Variants in ZNF85 observed in about 807,000 individuals in gnomAD.
The protein encoded by ZNF85 is zinc finger protein 85 (HPF4, HTF1).
In ZNF85, 50 loss-of-function variants were observed where a neutral mutation model predicts 53.9. That is an observed-to-expected ratio of 0.93 (90% CI 0.74 to 1.17). The LOEUF is 1.17. ZNF85 is among the 50% of genes most tolerant of loss of function. ZNF85 has a pLI of 0.00. For missense variants in ZNF85, 747 were observed against 688.5 expected, an observed-to-expected ratio of 1.08 and a Z score of -0.95; for synonymous variants, 225 against 226.1, an observed-to-expected ratio of 1.00 and a Z score of 0.04.
rs139348029 is a variant in ZNF85 at position 20,949,124 on chromosome 19, T to C, written c.610T>C (p.Cys204Arg). 3.1e-4 allele frequency: 498 copies of C among 1,613,610 alleles called. 5 individuals are homozygous for C. The African/African-American group carries it at 6.0e-3, about 19-fold the overall frequency. Reference protein sequence around the residue: ...RIHTRVNFYKCEECGKAFNWS... With the variant: ...RIHTRVNFYKREECGKAFNWS... ...TCATACTAGAGTAAATTTCTACAAA[T>C]GTGAAGAATGTGGAAAAGCCTTTAA... Residue 204 changes from cysteine to arginine, a missense_variant, in exon 4 of 4, where the codon TGT becomes CGT. Physicochemically the swap from Cys to Arg is radical, Grantham distance 180. Coordinates refer to ENST00000328178, the MANE Select transcript of ZNF85 (RefSeq NM_003429.5).
chr19:20,927,892 A>T (rs1972918003), intron 1 of ZNF85: 1 of 152,176 alleles, frequency 6.6e-6, no homozygotes, highest in Admixed American at 6.5e-5. Context: ...GGGGGAAAAA[A>T]AGTGTTTCTT....
intron 1 of ZNF85, among the ~76,000 whole-genome samples, chr19:20,929,009 T>C (rs752733244): frequency 6.6e-6 from 1 of 152,160 alleles, no homozygotes. Context: ...CCAATATTTA[T>C]TCAAATTCTC....
intron 1 of ZNF85, among the ~76,000 whole-genome samples, chr19:20,924,085 C>CAA (rs35334102): frequency 7.3e-5 from 7 of 96,440 alleles, no homozygotes; most frequent in Admixed American, 3.3e-4. Flanking sequence ...AACTCCGTCT[C>CAA]AAAAAAAAAA....
Position 20,950,235 on chromosome 19 carries a change from C to T in ZNF85, c.1721C>T (p.Ala574Val). Residue 574 changes from alanine (A) to valine (V), a missense_variant, in exon 4 of 4, where the codon GCT becomes GTT. By Grantham distance (64) the Ala-to-Val change is moderately conservative. Coordinates refer to ENST00000328178, the MANE Select transcript of ZNF85 (RefSeq NM_003429.5). ...KPYKCEECDKAFKWSSVLTKH... is the reference protein window; with the variant it reads ...KPYKCEECDKVFKWSSVLTKH... ...TACAAATGTGAAGAATGTGACAAAGCTTTTAAATGGTCCTCAGTCCTTACT... is the reference window on the plus strand; with the variant it reads ...TACAAATGTGAAGAATGTGACAAAGTTTTTAAATGGTCCTCAGTCCTTACT... 1 of 1,606,142 alleles carries T rather than the reference C, an allele frequency of 6.2e-7. No homozygotes were observed. Among genetic ancestry groups the T allele is most frequent in the Non-Finnish European group, 8.5e-7 (1 of 1,177,202 alleles).
rs1973488396 is a variant in ZNF85 at position 20,948,903 on chromosome 19, G to T, written c.389G>T (p.Gly130Val). The T allele has an allele frequency of 6.2e-7, 1 of 1,613,538 alleles. No homozygotes were observed. The highest frequency in any genetic ancestry group is 1.1e-5 in the South Asian group (1 of 90,994). ...SMDECKMHKGGCNGLNQCLTA... is the reference protein window; with the variant it reads ...SMDECKMHKGVCNGLNQCLTA... ...GATGAGTGTAAGATGCACAAAGGAG[G>T]TTGTAATGGACTTAACCAATGTCTC... is the stretch of plus-strand genomic sequence containing the variant. The change falls in exon 4 of 4, where the codon GGT (glycine) becomes GTT (valine). Residue 130 changes from glycine (G) to valine (V), a missense_variant. Physicochemically the swap from Gly to Val is moderately radical, Grantham distance 109 (BLOSUM62 -3). Transcript: ENST00000328178.
chr19:20,945,225 T>C (rs1568554249), intron 3 of ZNF85, among the ~76,000 whole-genome samples: 1 of 152,172 alleles, frequency 6.6e-6, no homozygotes, highest in Non-Finnish European at 1.5e-5. Flanking sequence ...TTGCAACATA[T>C]CACCAAAATG....
intron 1 of ZNF85, among the ~76,000 whole-genome samples, chr19:20,926,511 C>T (rs1972883208): frequency 1.3e-5 from 2 of 151,530 alleles, no homozygotes; most frequent in Admixed American, 1.3e-4. Context: ...TTTCAAAAAC[C>T]AAGGGAATAA....
chr19:20,923,386 C>T lies in ZNF85; in HGVS notation c.-15C>T. The T allele has an allele frequency of 6.2e-7, 1 of 1,614,148 alleles. No individual in the cohort carries two copies. The highest frequency in any genetic ancestry group is 1.6e-4 in the Middle Eastern group (1 of 6,062). ...ATCCACAGCTAAGACGCCGGGACCC[C>T]CTGGAAGCCTAGAAATGGTGAGAGT... is the stretch of plus-strand genomic sequence containing the variant. On this transcript the variant is annotated 5_prime_UTR_variant, in exon 1 of 4. Coordinates refer to ENST00000328178, the MANE Select transcript of ZNF85 (RefSeq NM_003429.5).
intron 1 of ZNF85, among the ~76,000 whole-genome samples, chr19:20,929,215 G>A (rs1369522850): frequency 1.4e-5 from 2 of 145,092 alleles, no homozygotes; most frequent in South Asian, 2.2e-4. Flanking sequence ...TTGAGACACC[G>A]TCTTGCTCTG....
At chr19:20,935,169 G>A in intron 3 of ZNF85, 122 bp downstream of exon 3, 1 of 589,980 alleles carries the variant, frequency 1.7e-6, no homozygotes, top group Non-Finnish European at 2.9e-6. Flanking sequence ...TTTCTCAGAA[G>A]CCTGAGGTTT....
chr19:20,950,433 T>C lies in ZNF85; in HGVS notation c.*131T>C, dbSNP rs557910794. 3.2e-6 allele frequency: 2 copies of C among 627,544 alleles called. No individual in the cohort carries two copies. The highest frequency in any genetic ancestry group is 1.9e-5 in the African/African-American group (1 of 53,470). The allele number at this position is 627,544 out of a possible 1,614,324, so 38.9% of individuals were successfully genotyped here. On this transcript the variant is annotated 3_prime_UTR_variant, in exon 4 of 4. Coordinates refer to ENST00000328178, the MANE Select transcript of ZNF85 (RefSeq NM_003429.5). ...CACCTCAGACTTATAAAAGTAATCA[T>C]ACTGGTGAGAAATTCTAAAAATGTG...
At chr19:20,945,184 A>G (rs983276652) in intron 3 of ZNF85, among the ~76,000 whole-genome samples, 3 of 152,114 alleles carry the variant, frequency 2.0e-5, no homozygotes, top group African/African-American at 7.2e-5. Flanking sequence ...TAAATATTCA[A>G]TTTAGTGATC....
In ZNF85 at chr19:20,949,199, C is replaced by A; in HGVS notation, c.685C>A (p.Pro229Thr). The change falls in exon 4 of 4, where the codon CCT becomes ACT. Residue 229 changes from proline to threonine, a missense_variant. Coordinates refer to ENST00000328178, the MANE Select transcript of ZNF85 (RefSeq NM_003429.5). ...TAAGAGAATTCATACGGGAGAGAAACCTTACAAATGTGAAGAATGTGGTAA... is the reference window on the plus strand; with the variant it reads ...TAAGAGAATTCATACGGGAGAGAAAACTTACAAATGTGAAGAATGTGGTAA... ...KHKRIHTGEK[P>T]YKCEECGKAF... The A allele has an allele frequency of 1.2e-6, 2 of 1,613,306 alleles. No individual in the cohort carries two copies. Among genetic ancestry groups the A allele is most frequent in the South Asian group, 1.1e-5 (1 of 91,030 alleles).
chr19:20,950,102 A>C lies in ZNF85; in HGVS notation c.1588A>C (p.Lys530Gln). 1 of 1,613,422 alleles carries C rather than the reference A, an allele frequency of 6.2e-7. No individual in the cohort carries two copies. Among genetic ancestry groups the C allele is most frequent in the South Asian group, 1.1e-5 (1 of 91,064 alleles). The change falls in exon 4 of 4, where the codon AAA becomes CAA. Residue 530 changes from lysine (K) to glutamine (Q), a missense_variant. Coordinates refer to ENST00000328178, the MANE Select transcript of ZNF85 (RefSeq NM_003429.5). The stretch of plus-strand genomic sequence containing the variant: ...ATCCTCAAAACTTACCAAACATAAG[A>C]AAATTCATACTGGAGAGAAACCCTA... ...NQSSKLTKHK[K>Q]IHTGEKPYTC...
At chr19:20,926,811 C>G (rs1401974667) in intron 1 of ZNF85, 1 of 151,630 alleles carries the variant, frequency 6.6e-6, no homozygotes, top group Non-Finnish European at 1.5e-5. Context: ...GAGGCACTGT[C>G]TAGACTTTGT....
chr19:20,929,855 T>C (rs1972967211), intron 1 of ZNF85, among the ~76,000 whole-genome samples: 1 of 152,156 alleles, frequency 6.6e-6, no homozygotes, highest in South Asian at 2.1e-4. Context: ...GCGTGGTGGC[T>C]TACGCCTATA....
At chr19:20,943,070 C>A (rs1371752292) in intron 3 of ZNF85, 4 of 420,814 alleles carry the variant, frequency 9.5e-6, no homozygotes, top group Non-Finnish European at 1.7e-5. Flanking sequence ...GCCTGTTCAC[C>A]CAGCCAGTAT....
At position 20,934,129 on chromosome 19, in the gene ZNF85, T is replaced by G; in HGVS notation, c.109T>G (p.Tyr37Asp). The G allele has an allele frequency of 6.2e-7, 1 of 1,612,370 alleles. No homozygotes were observed. The highest frequency in any genetic ancestry group is 8.5e-7 in the Non-Finnish European group (1 of 1,179,060). The change falls in exon 2 of 4, where the codon TAC becomes GAC. Residue 37 changes from tyrosine to aspartate, a missense_variant. Physicochemically the swap from Tyr to Asp is radical, Grantham distance 160 (BLOSUM62 -3). Transcript: ENST00000328178. The stretch of plus-strand genomic sequence containing the variant: ...ATATAGAAATGTGATGTTAGAGAAC[T>G]ACAGAAACCTGGTCTTCCTGGGTGA... The part of the protein sequence containing the change: ...NLYRNVMLEN[Y>D]RNLVFLGITV...
intron 2 of ZNF85, 68 bp downstream of exon 2, chr19:20,934,218 G>T (rs917781960): frequency 2.8e-5 from 43 of 1,554,694 alleles, no homozygotes; most frequent in Non-Finnish European, 3.6e-5. Flanking sequence ...TTTGTGGAAT[G>T]TTTTTCTGGT....
Sources: gnomAD v4.1 joint callset for allele counts (sites outside exome capture counted in the v4.1 genomes callset) on GRCh38, gnomAD v4.1.1 for gene constraint, MANE v1.5 for transcripts, NCBI Gene and HGNC (gene_info 2026-07-23, HGNC 2026-07-21) for gene names.